The following GRM8 variants were observed in gnomAD, a reference collection of about 807,000 sequenced individuals.
The protein encoded by GRM8 is metabotropic glutamate receptor 8.
A neutral mutation model predicts 87.2 loss-of-function variants in GRM8; 47 were observed. That is an observed-to-expected ratio of 0.54 (90% CI 0.43 to 0.69). The LOEUF (loss-of-function observed/expected upper bound fraction) is 0.69, where lower values mean the gene tolerates loss of function less well. GRM8 is among the 30% of genes least tolerant of loss of function. The pLI is 0.00. For synonymous variants in GRM8, 396 were observed against 404.5 expected (o/e 0.98, Z 0.25); for missense variants, 1,019 against 1,139.2 (o/e 0.89, Z 1.52).
At chr7:127,041,225 C>G (rs190544374) in intron 3 of GRM8, among the ~76,000 whole-genome samples, 42 of 152,294 alleles carry the variant, frequency 2.8e-4, no homozygotes, top group African/African-American at 8.9e-4. Context: ...GGGGCATAGA[C>G]AGTGGACTGG....
chr7:126,741,022 C>T (rs1814908252), intron 7 of GRM8, among the ~76,000 whole-genome samples: 2 of 151,996 alleles, frequency 1.3e-5, no homozygotes, highest in African/African-American at 4.8e-5. Context: ...TCAATATGGG[C>T]AATTAACTAT....
chr7:126,734,232 CTG>C (rs1382893222), intron 7 of GRM8, among the ~76,000 whole-genome samples: 4 of 151,862 alleles, frequency 2.6e-5, no homozygotes, highest in Admixed American at 2.6e-4. Flanking sequence ...CGAAGTTGAT[CTG>C]TAAGTTTATC....
At chr7:127,240,546 G>A (rs887505701) in intron 2 of GRM8, among the ~76,000 whole-genome samples, 24 of 152,104 alleles carry the variant, frequency 1.6e-4, no homozygotes, top group African/African-American at 5.1e-4. Flanking sequence ...GAAACAGCCA[G>A]GATTCACAGG....
intron 2 of GRM8, among the ~76,000 whole-genome samples, chr7:127,172,622 C>T (rs1227809782): frequency 6.6e-5 from 10 of 151,650 alleles, no homozygotes; most frequent in Non-Finnish European, 1.2e-4. Context: ...GCAGGAGAAT[C>T]ACCTGAGCCC....
At chr7:126,994,878 C>A (rs1216816361) in intron 3 of GRM8, among the ~76,000 whole-genome samples, 1 of 151,960 alleles carries the variant, frequency 6.6e-6, no homozygotes, top group African/African-American at 2.4e-5. Flanking sequence ...ATTGTAGATC[C>A]CTAGAATCTT....
chr7:126,642,259 C>T (rs1802480209), intron 7 of GRM8, among the ~76,000 whole-genome samples: 1 of 152,174 alleles, frequency 6.6e-6, no homozygotes, highest in Non-Finnish European at 1.5e-5. Context: ...TGATGCTCAT[C>T]CCTGTGTCAC....
chr7:126,772,305 C>T (rs1487794078), intron 6 of GRM8, among the ~76,000 whole-genome samples: 1 of 152,128 alleles, frequency 6.6e-6, no homozygotes, highest in African/African-American at 2.4e-5. Flanking sequence ...TGAATAACAA[C>T]TTTGAGGATC....
At chr7:127,019,308 A>G (rs576976920) in intron 3 of GRM8, among the ~76,000 whole-genome samples, 86 of 152,196 alleles carry the variant, frequency 5.7e-4, no homozygotes, top group African/African-American at 2.0e-3. Flanking sequence ...TTGTCCTTAA[A>G]AACAAACTTT....
At chr7:126,547,151 T>A (rs1817244523) in intron 8 of GRM8, among the ~76,000 whole-genome samples, 1 of 152,188 alleles carries the variant, frequency 6.6e-6, no homozygotes, top group South Asian at 2.1e-4. Flanking sequence ...AAGTTCTCTG[T>A]CAACAGACTC....
At chr7:127,107,819 G>GAC (rs1825957247) in intron 2 of GRM8, among the ~76,000 whole-genome samples, 1 of 152,164 alleles carries the variant, frequency 6.6e-6, no homozygotes, top group South Asian at 2.1e-4. Context: ...ACCTTCCTAA[G>GAC]TCTAGAGAGT....
At chr7:126,557,103 A>C (rs562301606) in intron 8 of GRM8, among the ~76,000 whole-genome samples, 1 of 152,202 alleles carries the variant, frequency 6.6e-6, no homozygotes, top group Non-Finnish European at 1.5e-5. Flanking sequence ...GGGATCAGGG[A>C]TATCTTCCTG....
chr7:127,230,331 A>C (rs1226312271), intron 2 of GRM8, among the ~76,000 whole-genome samples: 1 of 152,128 alleles, frequency 6.6e-6, no homozygotes, highest in Non-Finnish European at 1.5e-5. Context: ...TTGTCATAGC[A>C]GAGAGATGCT....
intron 7 of GRM8, among the ~76,000 whole-genome samples, chr7:126,681,884 CCTT>C (rs1348022260): frequency 1.3e-5 from 2 of 152,162 alleles, no homozygotes. Flanking sequence ...AAGGCTGTTT[CCTT>C]CTTATTTACT....
chr7:126,647,343 A>C (rs1803259426), intron 7 of GRM8, among the ~76,000 whole-genome samples: 1 of 141,816 alleles, frequency 7.1e-6, no homozygotes, highest in Non-Finnish European at 1.5e-5. Flanking sequence ...AGATAGATAG[A>C]TATAGATATA....
chr7:126,811,605 T>C (rs1292111692), intron 6 of GRM8, among the ~76,000 whole-genome samples: 1 of 152,050 alleles, frequency 6.6e-6, no homozygotes, highest in East Asian at 1.9e-4. Flanking sequence ...TTCCTAGGTA[T>C]TTTGAGGTTT....
chr7:126,762,138 A>G (rs1817639736), intron 7 of GRM8, among the ~76,000 whole-genome samples: 1 of 152,214 alleles, frequency 6.6e-6, no homozygotes, highest in African/African-American at 2.4e-5. Flanking sequence ...TAGGTACCTT[A>G]GAAGAGAATC....
intron 7 of GRM8, among the ~76,000 whole-genome samples, chr7:126,667,436 C>T (rs1411215634): frequency 6.6e-6 from 1 of 152,174 alleles, no homozygotes; most frequent in African/African-American, 2.4e-5. Context: ...CTTGAGTAGT[C>T]TTTCTTTGTA....
chr7:126,841,097 G>A (rs1171007409), intron 6 of GRM8, among the ~76,000 whole-genome samples: 4 of 152,234 alleles, frequency 2.6e-5, no homozygotes, highest in Non-Finnish European at 5.9e-5. Flanking sequence ...ATCAGGACCA[G>A]AAAGCCATTC....
intron 3 of GRM8, among the ~76,000 whole-genome samples, chr7:127,024,234 T>C (rs1206793896): frequency 5.9e-5 from 9 of 152,050 alleles, no homozygotes; most frequent in African/African-American, 2.2e-4. Flanking sequence ...TTAAATAAGG[T>C]AAGATTAATT....
Sources: gnomAD v4.1 joint callset for allele counts (sites outside exome capture counted in the v4.1 genomes callset) on GRCh38, gnomAD v4.1.1 for gene constraint, MANE v1.5 for transcripts, NCBI Gene and HGNC (gene_info 2026-07-23, HGNC 2026-07-21) for gene names.